CCDC102B: variants seen among roughly 807,000 people sequenced by gnomAD.
CCDC102B encodes coiled-coil domain containing 102B.
A neutral mutation model predicts 57.4 loss-of-function variants in CCDC102B; 75 were observed. The observed-to-expected ratio is 1.31, with a 90% CI of 1.08 to 1.58. The LOEUF (loss-of-function observed/expected upper bound fraction) is 1.58, where lower values mean the gene tolerates loss of function less well. CCDC102B is among the 40% of genes most tolerant of loss of function. The pLI is 0.00. For synonymous variants in CCDC102B, 206 were observed against 201.9 expected (o/e 1.02, Z -0.17); for missense variants, 636 against 582.6 (o/e 1.09, Z -0.94).
chr18:69,053,472 G>A (rs2052757846), intron 7 of CCDC102B, among the ~76,000 whole-genome samples: 1 of 151,498 alleles, frequency 6.6e-6, no homozygotes, highest in East Asian at 1.9e-4. Flanking sequence ...GAGAAGAGTG[G>A]CTACATAGAA....
intron 4 of CCDC102B, among the ~76,000 whole-genome samples, chr18:68,850,291 G>C (rs749440307): frequency 7.9e-5 from 12 of 152,060 alleles, no homozygotes; most frequent in Non-Finnish European, 1.8e-4. Flanking sequence ...ATATTTAAGG[G>C]AAAGTGGGAC....
chr18:68,816,800 G>C (rs925932562), intron 1 of CCDC102B, among the ~76,000 whole-genome samples: 2 of 152,162 alleles, frequency 1.3e-5, no homozygotes, highest in Admixed American at 1.3e-4. Flanking sequence ...AAGTCTTGCA[G>C]AAAATTTCTC....
rs551678141 is a variant in CCDC102B at position 68,959,214 on chromosome 18, G to T, written c.1264-51720G>T. On this transcript the variant is annotated intron_variant, in intron 6 of 7. Transcript: ENST00000360242. ...GTCTTTGGTCACTACAGTCATATCT[G>T]CTTTAGGGGGTATCCCAAATCCAGT... is the stretch of plus-strand genomic sequence containing the variant. Among the ~76,000 whole-genome samples, 214 of 152,280 alleles carry T rather than the reference G, an allele frequency of 1.4e-3. 1 individual carries two copies. Among genetic ancestry groups the T allele is most frequent in the African/African-American group, 5.0e-3 (208 of 41,560 alleles).
chr18:69,049,157 A>G (rs1228987329), intron 7 of CCDC102B, among the ~76,000 whole-genome samples: 1 of 151,990 alleles, frequency 6.6e-6, no homozygotes, highest in Non-Finnish European at 1.5e-5. Flanking sequence ...CGTCATCTAC[A>G]TTAGGTATCT....
intron 7 of CCDC102B, among the ~76,000 whole-genome samples, chr18:69,042,976 C>A (rs2052468977): frequency 6.6e-6 from 1 of 151,998 alleles, no homozygotes; most frequent in South Asian, 2.1e-4. Context: ...GGGGAACCAG[C>A]GTTCAGCATA....
At position 69,045,442 on chromosome 18, in the gene CCDC102B, A is replaced by G. The variant is rs2052536602; in HGVS notation, c.1435-8588A>G. 2.6e-5 allele frequency among the ~76,000 whole-genome samples: 4 copies of G among 152,266 alleles called. No individual in the cohort carries two copies. The South Asian group carries it at 8.3e-4, about 32-fold the overall frequency. On this transcript the variant is annotated intron_variant, in intron 7 of 7. Transcript: ENST00000360242. ...CTATGTTCTTTACTAAATAATCATT[A>G]GGCTGTTCATAAATACACATTCTTA...
intron 1 of CCDC102B, among the ~76,000 whole-genome samples, chr18:68,824,752 G>A (rs2036838038): frequency 6.6e-6 from 1 of 152,154 alleles, no homozygotes; most frequent in Non-Finnish European, 1.5e-5. Context: ...TAAGTCTTTG[G>A]AAATGTTTTC....
chr18:69,034,296 A>C (rs7239304), intron 7 of CCDC102B, among the ~76,000 whole-genome samples: 11,797 of 151,940 alleles, frequency 0.078, 1,535 homozygotes, highest in African/African-American at 0.27. Flanking sequence ...AATCAAATGT[A>C]ATAAAGATTT....
intron 7 of CCDC102B, among the ~76,000 whole-genome samples, chr18:69,024,730 C>T (rs2116266): frequency 0.06 from 9,131 of 151,956 alleles, 937 homozygotes; most frequent in African/African-American, 0.21. Context: ...GGGCTAATTA[C>T]GTTTGAATAA....
At chr18:68,974,455 T>C (rs188356764) in intron 6 of CCDC102B, among the ~76,000 whole-genome samples, 5 of 152,234 alleles carry the variant, frequency 3.3e-5, no homozygotes, top group Admixed American at 2.0e-4. Flanking sequence ...CAAAATGCAC[T>C]AAGATATTAT....
chr18:69,046,341 C>T (rs56299991), intron 7 of CCDC102B, among the ~76,000 whole-genome samples: 2 of 152,076 alleles, frequency 1.3e-5, no homozygotes, highest in South Asian at 4.1e-4. Flanking sequence ...TTGCATTTCT[C>T]TAATAATTAG....
chr18:68,831,199 C>T (rs1282456085), intron 1 of CCDC102B, among the ~76,000 whole-genome samples: 1 of 151,852 alleles, frequency 6.6e-6, no homozygotes, highest in African/African-American at 2.4e-5. Flanking sequence ...ATCTTAGAAA[C>T]GTAATATTTT....
chr18:68,860,042 G>A (rs1286122901), intron 4 of CCDC102B, among the ~76,000 whole-genome samples: 1 of 70,704 alleles, frequency 1.4e-5, no homozygotes, highest in Non-Finnish European at 3.5e-5. Context: ...GCAAAGACTT[G>A]GAACCAACCC....
At chr18:68,973,161 T>C (rs943742698) in intron 6 of CCDC102B, among the ~76,000 whole-genome samples, 7 of 152,160 alleles carry the variant, frequency 4.6e-5, no homozygotes, top group African/African-American at 1.7e-4. Flanking sequence ...ATAGAATATC[T>C]TGGTACTTTA....
At chr18:68,900,762 T>C (rs1303254674) in intron 6 of CCDC102B, among the ~76,000 whole-genome samples, 2 of 152,116 alleles carry the variant, frequency 1.3e-5, no homozygotes, top group Admixed American at 1.3e-4. Context: ...TATAGGAACA[T>C]TAAAAGAACA....
chr18:68,765,459 AAGAG>A (rs769046649), intron 2 of CCDC102B, among the ~76,000 whole-genome samples: 68 of 151,610 alleles, frequency 4.5e-4, no homozygotes, highest in East Asian at 9.7e-4. Flanking sequence ...AAGAGGAAGA[AAGAG>A]AGAGAAAGGA....
At chr18:68,857,297 ATATAT>A (rs1234171460) in intron 4 of CCDC102B, among the ~76,000 whole-genome samples, 725 of 53,084 alleles carry the variant, frequency 0.014, 118 homozygotes, top group African/African-American at 0.051. Flanking sequence ...TATATATTAT[ATATAT>A]AATATATATT....
chr18:68,838,398 A>G (rs567999177), intron 2 of CCDC102B: 1 of 985,014 alleles, frequency 1.0e-6, no homozygotes, highest in African/African-American at 1.7e-5. Flanking sequence ...ACTCATTAAA[A>G]ATTATTTACA....
chr18:68,857,046 A>G (rs1283217675), intron 4 of CCDC102B, among the ~76,000 whole-genome samples: 1 of 126,220 alleles, frequency 7.9e-6, no homozygotes, highest in Non-Finnish European at 1.6e-5. Flanking sequence ...TATATAATAT[A>G]TAATATATAA....
Sources: allele counts gnomAD v4.1 joint callset (sites outside exome capture counted in the v4.1 genomes callset), GRCh38; gene constraint gnomAD v4.1.1; transcripts MANE v1.5; gene names NCBI Gene and HGNC (gene_info 2026-07-23, HGNC 2026-07-21).